The following TMEM229B variants were observed in gnomAD, a reference collection of about 807,000 sequenced individuals.
TMEM229B encodes the protein chromosome 14 open reading frame 83.
In TMEM229B, 6 loss-of-function variants were observed where a neutral mutation model predicts 13.7. The ratio of observed to expected loss-of-function variants is 0.44; its 90% CI spans 0.24 to 0.86. The LOEUF (loss-of-function observed/expected upper bound fraction) is 0.86. Among genes scored for constraint, TMEM229B ranks in the 40% least tolerant of loss-of-function variants. The pLI, the probability that TMEM229B is intolerant of heterozygous loss-of-function variation, is 0.23. For synonymous variants in TMEM229B, 107 were observed against 102.1 expected (o/e 1.05, Z -0.29); for missense variants, 170 against 236.0 (o/e 0.72, Z 1.83).
At chr14:67,510,869 G>C (rs1054480480) in intron 1 of TMEM229B, among the ~76,000 whole-genome samples, 3 of 152,182 alleles carry the variant, frequency 2.0e-5, no homozygotes, top group African/African-American at 7.2e-5. Context: ...TGTCAGCAAG[G>C]TGGGCTTCTC....
At chr14:67,492,475 G>T (rs1312762086), upstream of TMEM229B, among the ~76,000 whole-genome samples, 2 of 152,186 alleles carry the variant, frequency 1.3e-5, no homozygotes, top group Non-Finnish European at 2.9e-5. Context: ...CAGCCTCACT[G>T]GCAAAGTGAC....
At chr14:67,528,132 G>A (rs1234993906) in intron 1 of TMEM229B, among the ~76,000 whole-genome samples, 10 of 152,202 alleles carry the variant, frequency 6.6e-5, no homozygotes, top group African/African-American at 2.4e-4. Context: ...GTAGGGCTGG[G>A]AGACTTTCCT....
At chr14:67,517,096 G>A (rs1442143913), upstream of TMEM229B, among the ~76,000 whole-genome samples, 1 of 152,220 alleles carries the variant, frequency 6.6e-6, no homozygotes, top group Non-Finnish European at 1.5e-5. Flanking sequence ...AGGCAGGCAT[G>A]TGGGCTGTCC....
At position 67,480,038 on chromosome 14, in the gene TMEM229B, G is replaced by A. The variant is rs552093851; in HGVS notation, c.-18-6097C>T. 5.3e-5 allele frequency among the ~76,000 whole-genome samples: 8 copies of A among 152,322 alleles called. No individual in the cohort carries two copies. In the South Asian group the frequency reaches 1.7e-3, roughly 32 times the overall value. ...GTGCCTCAGGGTCCTTGTAGGTAAA[G>A]TGAGGATAACGGAAGTAATGACCAC... is the stretch of plus-strand genomic sequence containing the variant. On this transcript the variant is annotated intron_variant, in intron 2 of 2. Transcript: ENST00000554480.
rs539445709 is a variant in TMEM229B at position 67,475,350 on chromosome 14, C to A, written c.-18-1409G>T. ...ACTCAAAATAAGGCTGCTATGAACACGGGTGTACAAAGGTCTGTCTGAGTC... is the reference window on the plus strand; with the variant it reads ...ACTCAAAATAAGGCTGCTATGAACAAGGGTGTACAAAGGTCTGTCTGAGTC... On this transcript the variant is annotated intron_variant, in intron 2 of 2. Coordinates refer to ENST00000554480, the MANE Select transcript of TMEM229B (RefSeq NM_001348543.2). Among the ~76,000 whole-genome samples, 3 of 152,264 alleles carry A rather than the reference C, an allele frequency of 2.0e-5. No homozygotes were observed. The South Asian group carries it at 6.2e-4, about 32-fold the overall frequency.
rs1259539650 is a variant in TMEM229B at position 67,473,300 on chromosome 14, A to G, written c.*120T>C. 1.8e-5 allele frequency: 25 copies of G among 1,408,168 alleles called. No homozygotes were observed. Among genetic ancestry groups the G allele is most frequent in the Non-Finnish European group, 2.4e-5 (25 of 1,030,774 alleles). 87.2% of individuals were successfully genotyped at this position (1,408,168 alleles called of 1,614,324 possible). A position where few individuals can be genotyped will look rare whatever the true frequency, so the allele number is the denominator to read the frequency against. Reference sequence around the variant, plus strand: ...GACGTTAGGGGGCTCTGTGTGCCCTATAGGGCTGAGGCTTGGCCGGAGCAG... The same window carrying G: ...GACGTTAGGGGGCTCTGTGTGCCCTGTAGGGCTGAGGCTTGGCCGGAGCAG... On this transcript the variant is annotated 3_prime_UTR_variant, in exon 3 of 3. Transcript: ENST00000554480. The surrounding 1 kb of genome is among the most constrained non-coding windows in gnomAD (Gnocchi z 6.5).
intron 1 of TMEM229B, among the ~76,000 whole-genome samples, chr14:67,496,797 T>TTG (rs1566689052): frequency 2.1e-4 from 30 of 142,756 alleles, no homozygotes; most frequent in African/African-American, 3.2e-4. Context: ...TGTCTTTCTT[T>TTG]CTTGCTTGCT....
chr14:67,510,280 T>A (rs1692691640), intron 1 of TMEM229B, among the ~76,000 whole-genome samples: 1 of 152,238 alleles, frequency 6.6e-6, no homozygotes, highest in Non-Finnish European at 1.5e-5. Flanking sequence ...GAATTAAGTC[T>A]CAGAGGGCTG....
At chr14:67,483,285 A>G (rs968866056) in intron 2 of TMEM229B, among the ~76,000 whole-genome samples, 10 of 152,326 alleles carry the variant, frequency 6.6e-5, no homozygotes, top group Middle Eastern at 3.4e-3. Context: ...TGCTGGGATT[A>G]TAGGCACGAG....
exon 1 of TMEM229B, chr14:67,515,417 C>CGGCGGCGGT: frequency 5.4e-6 from 1 of 183,514 alleles, no homozygotes; most frequent in Non-Finnish European, 1.1e-5. Flanking sequence ...CCGGCGGCGG[C>CGGCGGCGGT]GGCGGCGGCG....
intron 1 of TMEM229B, among the ~76,000 whole-genome samples, chr14:67,526,369 G>T (rs1382905492): frequency 6.6e-6 from 1 of 152,270 alleles, no homozygotes; most frequent in Non-Finnish European, 1.5e-5. Flanking sequence ...GGGTAGGTAA[G>T]ATGCCTGCTT....
At chr14:67,507,786 T>A (rs939289514) in intron 1 of TMEM229B, among the ~76,000 whole-genome samples, 1 of 152,092 alleles carries the variant, frequency 6.6e-6, no homozygotes, top group African/African-American at 2.4e-5. Flanking sequence ...GACATAGGAA[T>A]GGTGAGTATA....
At chr14:67,495,749 G>T (rs143008606) in intron 1 of TMEM229B, among the ~76,000 whole-genome samples, 1,614 of 152,250 alleles carry the variant, frequency 0.011, 35 homozygotes, top group African/African-American at 0.037. Flanking sequence ...CTCCCAAAGT[G>T]CTGGGATTAC....
intron 2 of TMEM229B, among the ~76,000 whole-genome samples, chr14:67,486,739 C>T (rs752360741): frequency 3.9e-5 from 6 of 152,156 alleles, no homozygotes; most frequent in South Asian, 2.1e-4. Flanking sequence ...TCCACTCTTA[C>T]GTATGTCTTT....
At chr14:67,511,554 T>C (rs2033027278) in intron 1 of TMEM229B, among the ~76,000 whole-genome samples, 2 of 152,088 alleles carry the variant, frequency 1.3e-5, no homozygotes, top group South Asian at 4.1e-4. Context: ...GAGTAAAGGA[T>C]GGTGAAAAGC....
chr14:67,480,852 A>G (rs934432953), intron 2 of TMEM229B, among the ~76,000 whole-genome samples: 4 of 152,176 alleles, frequency 2.6e-5, no homozygotes, highest in Admixed American at 1.3e-4. Context: ...CCGGTTTCCC[A>G]GCTGGTAACA....
intron 1 of TMEM229B, among the ~76,000 whole-genome samples, chr14:67,511,786 T>C (rs542244280): frequency 6.6e-6 from 1 of 152,278 alleles, no homozygotes; most frequent in East Asian, 1.9e-4. Context: ...GCATGAAGTA[T>C]AGCCTCACAG....
At chr14:67,481,408 C>T (rs1238367477) in intron 2 of TMEM229B, among the ~76,000 whole-genome samples, 1 of 152,164 alleles carries the variant, frequency 6.6e-6, no homozygotes, top group African/African-American at 2.4e-5. Flanking sequence ...AGGGGAAGCA[C>T]ACCACGGCAA....
intron 1 of TMEM229B, among the ~76,000 whole-genome samples, chr14:67,532,020 T>C (rs75790428): frequency 6.6e-6 from 1 of 151,896 alleles, no homozygotes; most frequent in Non-Finnish European, 1.5e-5. Flanking sequence ...TTGAAGTGGA[T>C]AGCCTGAGCA....
Sources: gnomAD v4.1 joint callset for allele counts (sites outside exome capture counted in the v4.1 genomes callset) on GRCh38, gnomAD v4.1.1 for gene constraint, Gnocchi (gnomAD v3.1) non-coding constraint, MANE v1.5 for transcripts, NCBI Gene and HGNC (gene_info 2026-07-23, HGNC 2026-07-21) for gene names.